RNLS: variants seen among roughly 807,000 people sequenced by gnomAD.
The protein encoded by RNLS is renalase, FAD dependent amine oxidase.
A neutral mutation model predicts 39.8 loss-of-function variants in RNLS; 39 were observed. That is an observed-to-expected ratio of 0.98 (90% CI 0.76 to 1.28). The LOEUF is 1.28. Ranked by LOEUF, RNLS falls within the 50% of genes most tolerant of loss-of-function variation. The pLI, the probability that RNLS is intolerant of heterozygous loss-of-function variation, is 0.00. For missense variants in RNLS, 410 were observed against 413.3 expected, an observed-to-expected ratio of 0.99 and a Z score of 0.07; for synonymous variants, 147 against 150.7, an observed-to-expected ratio of 0.98 and a Z score of 0.18.
intron 6 of RNLS, among the ~76,000 whole-genome samples, chr10:88,288,161 T>G (rs969016206): frequency 3.3e-5 from 5 of 152,184 alleles, no homozygotes; most frequent in Non-Finnish European, 5.9e-5. Flanking sequence ...GAATGTCCAC[T>G]GCCTATCAAA....
At chr10:88,456,527 A>G (rs2133918437) in intron 4 of RNLS, among the ~76,000 whole-genome samples, 1 of 152,302 alleles carries the variant, frequency 6.6e-6, no homozygotes, top group Middle Eastern at 3.4e-3. Context: ...GCAATTTAAG[A>G]GCAGAGCTGA....
chr10:88,420,056 A>G (rs143492065), intron 4 of RNLS, among the ~76,000 whole-genome samples: 502 of 43,056 alleles, frequency 0.012, 1 homozygote, highest in Non-Finnish European at 0.019. Flanking sequence ...ATAAATAAAT[A>G]AATGAATGAA....
chr10:88,253,945 T>G, the RNLS span, among the ~76,000 whole-genome samples: 59 of 152,326 alleles, frequency 3.9e-4, 3 homozygotes, highest in East Asian at 0.011. Context: ...GTTTTGTTAT[T>G]AAATCAAAGG....
intron 4 of RNLS, among the ~76,000 whole-genome samples, chr10:88,363,675 G>A (rs944466483): frequency 6.6e-6 from 1 of 152,108 alleles, no homozygotes; most frequent in Non-Finnish European, 1.5e-5. Flanking sequence ...AAGAAATAAT[G>A]TCTGTGTCAA....
chr10:88,235,644 AC>A, the RNLS span, among the ~76,000 whole-genome samples: 3 of 152,210 alleles, frequency 2.0e-5, no homozygotes, highest in African/African-American at 4.8e-5. Context: ...CATTGGTATT[AC>A]AAAGTCTACT....
chr10:88,449,079 C>G (rs773360920), intron 4 of RNLS, among the ~76,000 whole-genome samples: 25 of 152,164 alleles, frequency 1.6e-4, no homozygotes, highest in Non-Finnish European at 3.1e-4. Flanking sequence ...AGCACACCAA[C>G]GTGGCACATG....
chr10:88,229,682 C>T, the RNLS span, among the ~76,000 whole-genome samples: 4 of 152,160 alleles, frequency 2.6e-5, no homozygotes, highest in Non-Finnish European at 4.4e-5. Context: ...CCCCTCTCTC[C>T]CCAGTCTCTG....
At chr10:88,460,416 T>G (rs1842882631) in intron 4 of RNLS, among the ~76,000 whole-genome samples, 1 of 152,128 alleles carries the variant, frequency 6.6e-6, no homozygotes, top group Admixed American at 6.6e-5. Flanking sequence ...GTTCTCAGCT[T>G]AAATGACATT....
intron 4 of RNLS, among the ~76,000 whole-genome samples, chr10:88,408,827 C>A (rs2133688400): frequency 6.6e-6 from 1 of 151,840 alleles, no homozygotes; most frequent in Admixed American, 6.6e-5. Flanking sequence ...TTAGTGGAGA[C>A]CTATTTCTGA....
intron 4 of RNLS, among the ~76,000 whole-genome samples, chr10:88,404,494 G>C (rs1400773330): frequency 6.6e-6 from 1 of 152,054 alleles, no homozygotes; most frequent in Non-Finnish European, 1.5e-5. Context: ...CAAATAGGTA[G>C]AAGTTTAAAA....
At chr10:88,536,962 T>C (rs1353371386) in intron 4 of RNLS, among the ~76,000 whole-genome samples, 1 of 152,212 alleles carries the variant, frequency 6.6e-6, no homozygotes, top group East Asian at 1.9e-4. Flanking sequence ...AGGTGAGTTC[T>C]CAACAAATGT....
rs568104408 is a variant in RNLS, at chr10:88,364,019, G to A, written c.527-1294C>T. 6.6e-5 allele frequency among the ~76,000 whole-genome samples: 10 copies of A among 152,232 alleles called. No individual in the cohort carries two copies. In the South Asian group the frequency reaches 2.1e-3, roughly 32 times the overall value. On this transcript the variant is annotated intron_variant, in intron 4 of 6. Transcript: ENST00000331772. ...AAAATACTTAGGAAAATGGGACAGT[G>A]TTCCATCTTGAGGTGGGGAAAGAAG...
At chr10:88,556,246 T>C (rs1474466375) in intron 4 of RNLS, among the ~76,000 whole-genome samples, 5 of 152,176 alleles carry the variant, frequency 3.3e-5, no homozygotes. Flanking sequence ...CTGGCAGCCA[T>C]ACTTTTGAAA....
chr10:88,504,418 G>A (rs891189791), intron 4 of RNLS, among the ~76,000 whole-genome samples: 1 of 151,912 alleles, frequency 6.6e-6, no homozygotes, highest in Admixed American at 6.6e-5. Flanking sequence ...TAATAAATAG[G>A]GGTAAATGTT....
At chr10:88,452,715 T>C (rs573605758) in intron 4 of RNLS, among the ~76,000 whole-genome samples, 2 of 152,294 alleles carry the variant, frequency 1.3e-5, no homozygotes, top group African/African-American at 4.8e-5. Flanking sequence ...CGTCATGTCA[T>C]GTTGCTTGAG....
At chr10:88,414,725 C>T (rs533347933) in intron 4 of RNLS, among the ~76,000 whole-genome samples, 1 of 152,210 alleles carries the variant, frequency 6.6e-6, no homozygotes, top group East Asian at 1.9e-4. Context: ...TTTTCTTGCT[C>T]CAGAAATGGT....
At chr10:88,530,064 G>A (rs1490246159) in intron 4 of RNLS, among the ~76,000 whole-genome samples, 1 of 152,146 alleles carries the variant, frequency 6.6e-6, no homozygotes, top group East Asian at 1.9e-4. Context: ...CATTACTAAT[G>A]AAAAAACAAT....
At chr10:88,389,470 A>G (rs1156747038) in intron 4 of RNLS, among the ~76,000 whole-genome samples, 1 of 152,234 alleles carries the variant, frequency 6.6e-6, no homozygotes, top group African/African-American at 2.4e-5. Context: ...ATAGAGATTT[A>G]AAAGTCACGA....
chr10:88,219,030 C>G, the RNLS span, among the ~76,000 whole-genome samples: 1 of 152,322 alleles, frequency 6.6e-6, no homozygotes, highest in African/African-American at 2.4e-5. Flanking sequence ...TGCACTACTT[C>G]TTGGGTAACT....
Sources: allele counts gnomAD v4.1 joint callset (sites outside exome capture counted in the v4.1 genomes callset), GRCh38; gene constraint gnomAD v4.1.1; transcripts MANE v1.5; gene names NCBI Gene and HGNC (gene_info 2026-07-23, HGNC 2026-07-21).